TMEM207: variants seen among roughly 807,000 people sequenced by gnomAD.
The protein encoded by TMEM207 is transmembrane protein 207, also known as SRSR846.
A neutral mutation model predicts 17.4 loss-of-function variants in TMEM207; 15 were observed. The observed-to-expected ratio is 0.86, with a 90% CI of 0.58 to 1.33. The LOEUF (loss-of-function observed/expected upper bound fraction) is 1.33, where lower values mean the gene tolerates loss of function less well. Ranked by LOEUF, TMEM207 falls within the 40% of genes most tolerant of loss-of-function variation. The pLI, the probability that TMEM207 is intolerant of heterozygous loss-of-function variation, is 0.00. For missense variants in TMEM207, 205 were observed against 173.8 expected, an observed-to-expected ratio of 1.18 and a Z score of -1.01; for synonymous variants, 70 against 65.6, an observed-to-expected ratio of 1.07 and a Z score of -0.33.
At position 190,435,218 on chromosome 3, in the gene TMEM207, C is replaced by T. The variant is rs554805511; in HGVS notation, c.304+5026G>A. ...CACGATTGTGGAGTCTAGACATCCA[C>T]GACCAAGGTTTCGGCAGGGTAGGTT... On this transcript the variant is annotated intron_variant, in intron 4 of 4. Transcript: ENST00000354905. 3.3e-4 allele frequency among the ~76,000 whole-genome samples: 50 copies of T among 152,238 alleles called. No homozygotes were observed. The South Asian group carries it at 8.7e-3, about 26-fold the overall frequency.
intron 4 of TMEM207, among the ~76,000 whole-genome samples, chr3:190,436,437 G>C (rs1560106577): frequency 6.6e-6 from 1 of 152,182 alleles, no homozygotes; most frequent in African/African-American, 2.4e-5. Flanking sequence ...AACAGGGACT[G>C]TGAGGGAAAT....
At chr3:190,442,349 T>C (rs1483621041) in intron 2 of TMEM207, among the ~76,000 whole-genome samples, 5 of 152,208 alleles carry the variant, frequency 3.3e-5, no homozygotes, top group African/African-American at 9.7e-5. Context: ...TCATATCTTC[T>C]TCAGCCATTG....
rs774304821 is a variant in TMEM207, at chr3:190,441,506, G to A, written c.114-24C>T. 6.3e-6 allele frequency: 10 copies of A among 1,598,300 alleles called. No homozygotes were observed. In the South Asian group the frequency reaches 9.0e-5, roughly 14 times the overall value. The stretch of plus-strand genomic sequence containing the variant: ...ACCTGGTGATAAAGGGAGAGCGTTA[G>A]TCCTGGAACTCAGGATAGCCAAAGC... On this transcript the variant is annotated intron_variant, in intron 2 of 4. Transcript: ENST00000354905.
At chr3:190,438,950 G>A (rs1719862643) in intron 4 of TMEM207, among the ~76,000 whole-genome samples, 1 of 152,056 alleles carries the variant, frequency 6.6e-6, no homozygotes. Flanking sequence ...AGCACTTTGG[G>A]AGGCCGAGGC....
Position 190,447,530 on chromosome 3 carries a change from G to A in TMEM207, c.113+260C>T, listed in dbSNP as rs115425765. ...AAAGTACCCTTGAAACCTTAAGGAA[G>A]ATAAATTCAGTGTGCAAAAATATCT... is the stretch of plus-strand genomic sequence containing the variant. On this transcript the variant is annotated intron_variant, in intron 2 of 4. Coordinates refer to ENST00000354905, the MANE Select transcript of TMEM207 (RefSeq NM_207316.3). Among the ~76,000 whole-genome samples, 303 of 152,176 alleles carry A rather than the reference G, an allele frequency of 2.0e-3. 2 individuals are homozygous for A. The highest frequency in any genetic ancestry group is 7.1e-3 in the African/African-American group (294 of 41,502).
chr3:190,429,327 T>C lies in TMEM207; in HGVS notation c.*268A>G, dbSNP rs1719639272. ...CTTCCAGCACCTAATTGTTGCCTGT[T>C]TGGATACTAGTGGAGAAGCATTAAT... On this transcript the variant is annotated 3_prime_UTR_variant, in exon 5 of 5. Transcript: ENST00000354905. The C allele has an allele frequency of 5.3e-6, 2 of 378,792 alleles. No homozygotes were observed. The highest frequency in any genetic ancestry group is 4.2e-5 in the Admixed American group (1 of 23,922). 23.5% of individuals were successfully genotyped at this position (378,792 alleles called of 1,614,324 possible). A position where few individuals can be genotyped will look rare whatever the true frequency, so the allele number is the denominator to read the frequency against.
At position 190,449,728 on chromosome 3, in the gene TMEM207, T is replaced by C. The variant is rs754084996; in HGVS notation, c.75+7A>G. On this transcript the variant is annotated splice_region_variant and intron_variant, in intron 1 of 4. Coordinates refer to ENST00000354905, the MANE Select transcript of TMEM207 (RefSeq NM_207316.3). ...GAAAACCTTAACCCAGAAAGAGAGATAGTTACCTGGAATAGCGGCAAACAC... is the reference window on the plus strand; with the variant it reads ...GAAAACCTTAACCCAGAAAGAGAGACAGTTACCTGGAATAGCGGCAAACAC... 9.9e-6 allele frequency: 16 copies of C among 1,613,464 alleles called. No individual in the cohort carries two copies. The highest frequency in any genetic ancestry group is 1.2e-5 in the Non-Finnish European group (14 of 1,179,610).
At chr3:190,441,538 C>A in intron 2 of TMEM207, 56 bp from the exon 3 acceptor site, 1 of 1,420,978 alleles carries the variant, frequency 7.0e-7, no homozygotes, top group South Asian at 1.2e-5. Context: ...AAGCCTATTT[C>A]TTTCACCCAA....
intron 2 of TMEM207, among the ~76,000 whole-genome samples, chr3:190,445,275 T>C (rs757475396): frequency 3.9e-5 from 6 of 152,248 alleles, no homozygotes; most frequent in Non-Finnish European, 7.3e-5. Flanking sequence ...TCTATTTTTG[T>C]TCATTCATGC....
intron 1 of TMEM207, among the ~76,000 whole-genome samples, chr3:190,448,567 C>T (rs1018878298): frequency 6.6e-6 from 1 of 152,122 alleles, no homozygotes; most frequent in Non-Finnish European, 1.5e-5. Flanking sequence ...TTGCTTGACC[C>T]TTTGAACCAG....
chr3:190,439,176 CAA>C (rs772313119), intron 4 of TMEM207, among the ~76,000 whole-genome samples: 54 of 58,622 alleles, frequency 9.2e-4, no homozygotes, highest in African/African-American at 2.7e-3. Context: ...GACTCCGTCT[CAA>C]AAAAAAAAAA....
At chr3:190,443,497 T>C (rs1366163011) in intron 2 of TMEM207, among the ~76,000 whole-genome samples, 1 of 152,142 alleles carries the variant, frequency 6.6e-6, no homozygotes, top group Non-Finnish European at 1.5e-5. Flanking sequence ...AGTAATCATG[T>C]AAGCTCCAAA....
chr3:190,429,451 C>T lies in TMEM207; in HGVS notation c.*144G>A. The T allele has an allele frequency of 2.4e-6, 3 of 1,227,072 alleles. No individual in the cohort carries two copies. The highest frequency in any genetic ancestry group is 2.9e-4 in the Middle Eastern group (1 of 3,434). The allele number at this position is 1,227,072 out of a possible 1,614,324, so 76.0% of individuals were successfully genotyped here. On this transcript the variant is annotated 3_prime_UTR_variant, in exon 5 of 5. Coordinates refer to ENST00000354905, the MANE Select transcript of TMEM207 (RefSeq NM_207316.3). ...CCATGACCAAAATTTTTTCCAACAT[C>T]CATTCTTTTGTCGAATTGTCCTTCC...
At chr3:190,436,285 C>T (rs1238700650) in intron 4 of TMEM207, among the ~76,000 whole-genome samples, 1 of 152,214 alleles carries the variant, frequency 6.6e-6, no homozygotes, top group Admixed American at 6.5e-5. Context: ...TTACCCATTT[C>T]CCACATTCTG....
chr3:190,439,176 CAAAAAAAAAAA>C (rs772313119), intron 4 of TMEM207, among the ~76,000 whole-genome samples: 3 of 58,660 alleles, frequency 5.1e-5, no homozygotes, highest in East Asian at 1.2e-3. Context: ...GACTCCGTCT[CAAAAAAAAAAA>C]AAAAAAAAAA....
At chr3:190,441,011 T>A (rs576320072) in intron 3 of TMEM207, among the ~76,000 whole-genome samples, 137 of 152,048 alleles carry the variant, frequency 9.0e-4, no homozygotes, top group African/African-American at 3.1e-3. Flanking sequence ...GGAGCTTGCA[T>A]TGAGCCGAGA....
chr3:190,431,602 C>T (rs1719693143), intron 4 of TMEM207, among the ~76,000 whole-genome samples: 4 of 151,838 alleles, frequency 2.6e-5, no homozygotes, highest in African/African-American at 9.7e-5. Flanking sequence ...ATACAGTTAC[C>T]CTAGGAATTT....
intron 3 of TMEM207, 58 bp downstream of exon 3, chr3:190,441,380 G>A: frequency 7.3e-7 from 1 of 1,364,688 alleles, no homozygotes; most frequent in Non-Finnish European, 1.0e-6. Context: ...AAATTATTTA[G>A]GACAAAGACT....
At chr3:190,444,064 C>G (rs959146220) in intron 2 of TMEM207, among the ~76,000 whole-genome samples, 1 of 152,026 alleles carries the variant, frequency 6.6e-6, no homozygotes, top group Non-Finnish European at 1.5e-5. Flanking sequence ...AATCTGTGGA[C>G]CTTAGATTAC....
Sources: allele counts gnomAD v4.1 joint callset (sites outside exome capture counted in the v4.1 genomes callset), GRCh38; gene constraint gnomAD v4.1.1; transcripts MANE v1.5; gene names NCBI Gene and HGNC (gene_info 2026-07-23, HGNC 2026-07-21).